OR4K2: variants seen among roughly 807,000 people sequenced by gnomAD.
The protein encoded by OR4K2 is olfactory receptor 4K2.
OR4K2 carries 8 observed loss-of-function variants against 10.5 expected under a neutral mutation model. The ratio of observed to expected loss-of-function variants is 0.76; its 90% CI spans 0.45 to 1.37. OR4K2 has a LOEUF of 1.37. OR4K2 is among the 40% of genes most tolerant of loss of function. OR4K2 has a pLI of 0.00. For synonymous variants in OR4K2, 178 were observed against 133.6 expected (o/e 1.33, Z -2.29); for missense variants, 547 against 379.5 (o/e 1.44, Z -3.67).
chr14:19,876,134 G>A lies in OR4K2; in HGVS notation c.-24G>A, dbSNP rs1880886828. 2.7e-6 allele frequency: 2 copies of A among 734,434 alleles called. No homozygotes were observed. 45.5% of individuals were successfully genotyped at this position (734,434 alleles called of 1,614,324 possible). ...TGAGAAGGATGGAAAGAATAGTCAA[G>A]GTAAGTTTTATGAGAAGATAAAATT... On this transcript the variant is annotated splice_region_variant and 5_prime_UTR_variant, in exon 1 of 2. Transcript: ENST00000641885.
Position 19,876,785 on chromosome 14 carries a change from A to C in OR4K2, c.518A>C (p.Glu173Ala), listed in dbSNP as rs768436345. ...ALTLPFCGPY[E>A]VDSFFCDLPV... ...ACGTTACCATTCTGTGGTCCCTATG[A>C]GGTAGACAGCTTTTTCTGTGACCTT... The change falls in exon 2 of 2, where the codon GAG (glutamate) becomes GCG (alanine). Residue 173 changes from glutamate (E) to alanine (A), a missense_variant. By Grantham distance (107) the Glu-to-Ala change is moderately radical. Coordinates refer to ENST00000641885, the MANE Select transcript of OR4K2 (RefSeq NM_001005501.2). The C allele has an allele frequency of 6.2e-7, 1 of 1,614,202 alleles. No homozygotes were observed. Among genetic ancestry groups the C allele is most frequent in the South Asian group, 1.1e-5 (1 of 91,082 alleles).
rs1319866842 is a variant in OR4K2, at chr14:19,880,252, AAACAG to A, written c.*3041_*3045del. On this transcript the variant is annotated 3_prime_UTR_variant, in exon 2 of 2. Transcript: ENST00000641885. ...AGACTCTGGTATCTTTTTTTTTTTT[AAACAG>A]TGTTTAATACTACTTCTACTACTAG... 6.6e-6 allele frequency: 1 copy of A among 150,414 alleles called. No homozygotes were observed. The highest frequency in any genetic ancestry group is 1.5e-5 in the Non-Finnish European group (1 of 67,518). 9.3% of individuals were successfully genotyped at this position (150,414 alleles called of 1,614,324 possible).
In OR4K2 at chr14:19,879,223, C is replaced by T. The variant is rs1456751206; in HGVS notation, c.*2011C>T. 2 of 151,958 alleles carry T rather than the reference C, an allele frequency of 1.3e-5. No homozygotes were observed. The highest frequency in any genetic ancestry group is 2.4e-5 in the African/African-American group (1 of 41,372). 9.4% of individuals were successfully genotyped at this position (151,958 alleles called of 1,614,324 possible). ...ATATAAATGGAACTATCACATTTCTCGGTGGCTTAGTGTGAGGAGTCAATA... is the reference window on the plus strand; with the variant it reads ...ATATAAATGGAACTATCACATTTCTTGGTGGCTTAGTGTGAGGAGTCAATA... On this transcript the variant is annotated 3_prime_UTR_variant, in exon 2 of 2. Coordinates refer to ENST00000641885, the MANE Select transcript of OR4K2 (RefSeq NM_001005501.2).
chr14:19,881,135 C>A lies in OR4K2; in HGVS notation c.*3923C>A, dbSNP rs1881026110. The A allele has an allele frequency of 6.6e-6, 1 of 152,234 alleles. No homozygotes were observed. Among genetic ancestry groups the A allele is most frequent in the Admixed American group, 6.5e-5 (1 of 15,286 alleles). 9.4% of individuals were successfully genotyped at this position (152,234 alleles called of 1,614,324 possible). A position where few individuals can be genotyped will look rare whatever the true frequency, so the allele number is the denominator to read the frequency against. On this transcript the variant is annotated 3_prime_UTR_variant, in exon 2 of 2. Transcript: ENST00000641885. ...GGAGTAATCCTCCTATTTCCCTATT[C>A]TTTCCCTGATATTATTTTGCATGAT...
chr14:19,881,445 C>G lies in OR4K2; in HGVS notation c.*4233C>G, dbSNP rs1387131290. 6.6e-6 allele frequency: 1 copy of G among 152,076 alleles called. No homozygotes were observed. Among genetic ancestry groups the G allele is most frequent in the African/African-American group, 2.4e-5 (1 of 41,396 alleles). 9.4% of individuals were successfully genotyped at this position (152,076 alleles called of 1,614,324 possible). A position where few individuals can be genotyped will look rare whatever the true frequency, so the allele number is the denominator to read the frequency against. On this transcript the variant is annotated 3_prime_UTR_variant, in exon 2 of 2. Transcript: ENST00000641885. ...GGGATCATTGATTCATGTATTCTGT[C>G]TCTATTGTTGCTAATATAACTCAAT...
In OR4K2 at chr14:19,877,996, A is replaced by G. The variant is rs1466691313; in HGVS notation, c.*784A>G. On this transcript the variant is annotated 3_prime_UTR_variant, in exon 2 of 2. Transcript: ENST00000641885. Reference sequence around the variant, plus strand: ...AAACTAGAATTGAGAGACACAGTTTATAACAGTTGAATTTATGGGGAGTCC... The same window carrying G: ...AAACTAGAATTGAGAGACACAGTTTGTAACAGTTGAATTTATGGGGAGTCC... 2.0e-5 allele frequency: 3 copies of G among 152,268 alleles called. No homozygotes were observed. Among genetic ancestry groups the G allele is most frequent in the Admixed American group, 6.5e-5 (1 of 15,282 alleles). The allele number at this position is 152,268 out of a possible 1,614,324, so 9.4% of individuals were successfully genotyped here. A position where few individuals can be genotyped will look rare whatever the true frequency, so the allele number is the denominator to read the frequency against.
rs1880885944 is a variant in OR4K2, at chr14:19,876,080, A to G, written c.-78A>G. ...ATTTTGCTATAAGCTCTAATATTTCATAATTTCCATTCAAAACAATATACC... is the reference window on the plus strand; with the variant it reads ...ATTTTGCTATAAGCTCTAATATTTCGTAATTTCCATTCAAAACAATATACC... On this transcript the variant is annotated 5_prime_UTR_variant, in exon 1 of 2. Transcript: ENST00000641885. 1 of 572,968 alleles carries G rather than the reference A, an allele frequency of 1.7e-6. No homozygotes were observed. The highest frequency in any genetic ancestry group is 3.6e-5 in the Admixed American group (1 of 27,596). The allele number at this position is 572,968 out of a possible 1,614,324, so 35.5% of individuals were successfully genotyped here.
rs1261688651 is a variant in OR4K2 at position 19,878,185 on chromosome 14, T to C, written c.*973T>C. On this transcript the variant is annotated 3_prime_UTR_variant, in exon 2 of 2. Transcript: ENST00000641885. ...TTATTACTGTTATAAATAAATCTGG[T>C]AGGTTCAATATTAGCTTTAATGTAT... is the stretch of plus-strand genomic sequence containing the variant. 2 of 152,226 alleles carry C rather than the reference T, an allele frequency of 1.3e-5. No homozygotes were observed. Among genetic ancestry groups the C allele is most frequent in the Non-Finnish European group, 2.9e-5 (2 of 68,030 alleles). The allele number at this position is 152,226 out of a possible 1,614,324, so 9.4% of individuals were successfully genotyped here. A position where few individuals can be genotyped will look rare whatever the true frequency, so the allele number is the denominator to read the frequency against.
chr14:19,883,631 A>G lies in OR4K2; in HGVS notation c.*6419A>G, dbSNP rs941996084. On this transcript the variant is annotated 3_prime_UTR_variant, in exon 2 of 2. Coordinates refer to ENST00000641885, the MANE Select transcript of OR4K2 (RefSeq NM_001005501.2). The stretch of plus-strand genomic sequence containing the variant: ...TTTATATTAGTAGTTAAATAATTAA[A>G]TAGTAGTTAAAGTAATTAAATAGGA... The G allele has an allele frequency of 6.6e-6, 1 of 152,246 alleles. No individual in the cohort carries two copies. The highest frequency in any genetic ancestry group is 1.5e-5 in the Non-Finnish European group (1 of 68,042). 9.4% of individuals were successfully genotyped at this position (152,246 alleles called of 1,614,324 possible). A position where few individuals can be genotyped will look rare whatever the true frequency, so the allele number is the denominator to read the frequency against.
In OR4K2 at chr14:19,878,571, A is replaced by G. The variant is rs531468649; in HGVS notation, c.*1359A>G. ...TCATATTAAACCAAGTTATAAAAGG[A>G]ATTTATTTTTTCTTCATCAGTTTGT... On this transcript the variant is annotated 3_prime_UTR_variant, in exon 2 of 2. Coordinates refer to ENST00000641885, the MANE Select transcript of OR4K2 (RefSeq NM_001005501.2). 6.6e-6 allele frequency: 1 copy of G among 152,328 alleles called. No homozygotes were observed. Among genetic ancestry groups the G allele is most frequent in the Admixed American group, 6.5e-5 (1 of 15,290 alleles). The allele number at this position is 152,328 out of a possible 1,614,324, so 9.4% of individuals were successfully genotyped here.
At position 19,877,228 on chromosome 14, in the gene OR4K2, A is replaced by G. The variant is rs772863112; in HGVS notation, c.*16A>G. On this transcript the variant is annotated 3_prime_UTR_variant, in exon 2 of 2. Transcript: ENST00000641885. ...GCCTTCATAGTTTTTGTGACACAGAACATTAGACACAATGCTGTGTTAGGC... is the reference window on the plus strand; with the variant it reads ...GCCTTCATAGTTTTTGTGACACAGAGCATTAGACACAATGCTGTGTTAGGC... 1.4e-6 allele frequency: 2 copies of G among 1,478,542 alleles called. No individual in the cohort carries two copies. The highest frequency in any genetic ancestry group is 2.4e-5 in the South Asian group (2 of 84,730). 91.6% of individuals were successfully genotyped at this position (1,478,542 alleles called of 1,614,324 possible).
Position 19,875,950 on chromosome 14 carries a change from G to A in OR4K2, c.-208G>A. 1 of 307,910 alleles carries A rather than the reference G, an allele frequency of 3.2e-6. No homozygotes were observed. The highest frequency in any genetic ancestry group is 5.4e-5 in the South Asian group (1 of 18,638). The allele number at this position is 307,910 out of a possible 1,614,324, so 19.1% of individuals were successfully genotyped here. A position where few individuals can be genotyped will look rare whatever the true frequency, so the allele number is the denominator to read the frequency against. ...GTTAGACTTACACAGATGAATAGATGGACAAATAGGTAGGTATGTCTGTTC... is the reference window on the plus strand; with the variant it reads ...GTTAGACTTACACAGATGAATAGATAGACAAATAGGTAGGTATGTCTGTTC... On this transcript the variant is annotated 5_prime_UTR_variant, in exon 1 of 2. The change abolishes an upstream ATG in the 5' untranslated region. Coordinates refer to ENST00000641885, the MANE Select transcript of OR4K2 (RefSeq NM_001005501.2).
In OR4K2 at chr14:19,882,149, C is replaced by A. The variant is rs1364372710; in HGVS notation, c.*4937C>A. 6.6e-6 allele frequency: 1 copy of A among 152,414 alleles called. No homozygotes were observed. Among genetic ancestry groups the A allele is most frequent in the East Asian group, 1.9e-4 (1 of 5,196 alleles). 9.4% of individuals were successfully genotyped at this position (152,414 alleles called of 1,614,324 possible). A position where few individuals can be genotyped will look rare whatever the true frequency, so the allele number is the denominator to read the frequency against. On this transcript the variant is annotated 3_prime_UTR_variant, in exon 2 of 2. Transcript: ENST00000641885. Reference sequence around the variant, plus strand: ...CCACTCCTTCATCACCCTCAGCACTCTTGAAGGTGGTGAATAGTCACTGGA... The same window carrying A: ...CCACTCCTTCATCACCCTCAGCACTATTGAAGGTGGTGAATAGTCACTGGA...
rs1026656087 is a variant in OR4K2, at chr14:19,882,087, A to T, written c.*4875A>T. On this transcript the variant is annotated 3_prime_UTR_variant, in exon 2 of 2. Transcript: ENST00000641885. ...CAGAGCACATTACCCCAGTAATGTG[A>T]TGTAAGGGCAAAAGGCAAAAAGCCT... The T allele has an allele frequency of 6.6e-6, 1 of 152,286 alleles. No homozygotes were observed. Among genetic ancestry groups the T allele is most frequent in the Non-Finnish European group, 1.5e-5 (1 of 68,086 alleles). The allele number at this position is 152,286 out of a possible 1,614,324, so 9.4% of individuals were successfully genotyped here.
Position 19,883,235 on chromosome 14 carries a change from C to A in OR4K2, c.*6023C>A, listed in dbSNP as rs1300461361. 4 of 152,366 alleles carry A rather than the reference C, an allele frequency of 2.6e-5. No individual in the cohort carries two copies. The highest frequency in any genetic ancestry group is 5.9e-5 in the Non-Finnish European group (4 of 68,062). The allele number at this position is 152,366 out of a possible 1,614,324, so 9.4% of individuals were successfully genotyped here. ...TGTTATATTTTTTCATCCAAAAGAT[C>A]TTGATGTCTTGCTTTATCTCTTTGG... On this transcript the variant is annotated 3_prime_UTR_variant, in exon 2 of 2. Coordinates refer to ENST00000641885, the MANE Select transcript of OR4K2 (RefSeq NM_001005501.2).
Position 19,876,510 on chromosome 14 carries a change from G to T in OR4K2, c.243G>T (p.Met81Ile). 1 of 1,614,116 alleles carries T rather than the reference G, an allele frequency of 6.2e-7. No individual in the cohort carries two copies. The highest frequency in any genetic ancestry group is 1.1e-5 in the South Asian group (1 of 91,066). The stretch of plus-strand genomic sequence containing the variant: ...TTGCTTCTTTCGCCACCCCAAAGAT[G>T]ATTACAGATTACCTAACAGGTCACA... Reference protein sequence around the residue: ...MSLASFATPKMITDYLTGHKT... With the variant: ...MSLASFATPKIITDYLTGHKT... Residue 81 changes from methionine to isoleucine, a missense_variant, in exon 2 of 2, where the codon ATG becomes ATT. Coordinates refer to ENST00000641885, the MANE Select transcript of OR4K2 (RefSeq NM_001005501.2).
At position 19,881,808 on chromosome 14, in the gene OR4K2, T is replaced by C. The variant is rs1308372467; in HGVS notation, c.*4596T>C. On this transcript the variant is annotated 3_prime_UTR_variant, in exon 2 of 2. Transcript: ENST00000641885. ...CACTTGCCACCTGTTAAAGAAAATT[T>C]AAAGGAGAGATTTTTTTTTTTAGTT... is the stretch of plus-strand genomic sequence containing the variant. The C allele has an allele frequency of 3.3e-5, 5 of 151,952 alleles. No individual in the cohort carries two copies. Among genetic ancestry groups the C allele is most frequent in the Non-Finnish European group, 7.4e-5 (5 of 67,974 alleles). The allele number at this position is 151,952 out of a possible 1,614,324, so 9.4% of individuals were successfully genotyped here.
In OR4K2 at chr14:19,876,313, G is replaced by T. The variant is rs751038080; in HGVS notation, c.46G>T (p.Gly16Trp). ...KSTMSEFVLL[G>W]LSNSWELQMF... ...TACCATGTCTGAATTTGTTTTGCTG[G>T]GGCTCTCTAATTCCTGGGAACTACA... The change falls in exon 2 of 2, where the codon GGG (glycine) becomes TGG (tryptophan). Residue 16 changes from glycine (G) to tryptophan (W), a missense_variant. Coordinates refer to ENST00000641885, the MANE Select transcript of OR4K2 (RefSeq NM_001005501.2). 6.2e-7 allele frequency: 1 copy of T among 1,613,316 alleles called. No homozygotes were observed. Among genetic ancestry groups the T allele is most frequent in the East Asian group, 2.2e-5 (1 of 44,850 alleles).
Position 19,882,833 on chromosome 14 carries a change from T to TC in OR4K2, c.*5621_*5622insC, listed in dbSNP as rs1466601409. The TC allele has an allele frequency of 6.7e-6, 1 of 148,226 alleles. No individual in the cohort carries two copies. The highest frequency in any genetic ancestry group is 1.5e-5 in the Non-Finnish European group (1 of 67,708). 9.2% of individuals were successfully genotyped at this position (148,226 alleles called of 1,614,324 possible). A position where few individuals can be genotyped will look rare whatever the true frequency, so the allele number is the denominator to read the frequency against. ...CTTTCTTTTTCTTTTTTTTTTCTTT[T>TC]TTTTTTTTTTTTGAGACGGAGTCTT... On this transcript the variant is annotated 3_prime_UTR_variant, in exon 2 of 2. Coordinates refer to ENST00000641885, the MANE Select transcript of OR4K2 (RefSeq NM_001005501.2).
Sources: gnomAD v4.1 joint callset for allele counts on GRCh38, gnomAD v4.1.1 for gene constraint, MANE v1.5 for transcripts, NCBI Gene and HGNC (gene_info 2026-07-23, HGNC 2026-07-21) for gene names.